Variants in MAP3K7CL observed in about 807,000 individuals in gnomAD.
MAP3K7CL encodes MAP3K7 C-terminal-like protein.
In MAP3K7CL, 16 loss-of-function variants were observed where a neutral mutation model predicts 18.6. The observed-to-expected ratio is 0.86, with a 90% confidence interval of 0.58 to 1.31. MAP3K7CL has a LOEUF of 1.31. MAP3K7CL is among the 50% of genes most tolerant of loss of function. MAP3K7CL has a pLI of 0.00. For missense variants in MAP3K7CL, 163 were observed against 174.4 expected (o/e 0.93, Z 0.37); for synonymous variants, 65 against 66.8 (o/e 0.97, Z 0.13).
chr21:29,099,336 T>A (rs1169969748), intron 4 of MAP3K7CL, among the ~76,000 whole-genome samples: 6 of 143,066 alleles, frequency 4.2e-5, no homozygotes. Flanking sequence ...AACTTCCGGG[T>A]TCAAGCCATT....
chr21:29,124,843 T>G (rs1470428671), intron 4 of MAP3K7CL, among the ~76,000 whole-genome samples: 1 of 152,232 alleles, frequency 6.6e-6, no homozygotes, highest in African/African-American at 2.4e-5. Flanking sequence ...GAGTCATCCA[T>G]CCATTTGCAT....
upstream of MAP3K7CL, among the ~76,000 whole-genome samples, chr21:29,129,696 G>C (rs929816674): frequency 2.0e-5 from 3 of 152,190 alleles, no homozygotes; most frequent in Admixed American, 6.5e-5. Flanking sequence ...TGTGGTAAAA[G>C]TATGTTTGCT....
rs1005568114 is a variant in MAP3K7CL, at chr21:29,109,013, G to A, written c.370+16432G>A. 3 of 1,502,832 alleles carry A rather than the reference G, an allele frequency of 2.0e-6. No homozygotes were observed. In the African/African-American group the frequency reaches 4.2e-5, roughly 21 times the overall value. 93.1% of individuals were successfully genotyped at this position (1,502,832 alleles called of 1,614,324 possible). ...TCGGCTGGACCCAAATAATTTTCTA[G>A]AATCAGAAAATTCTACTTCCTACTA... On this transcript the variant is annotated intron_variant, in intron 4 of 6. Transcript: ENST00000286791.
At chr21:29,112,561 T>A (rs373613249) in intron 4 of MAP3K7CL, among the ~76,000 whole-genome samples, 1 of 152,084 alleles carries the variant, frequency 6.6e-6, no homozygotes, top group South Asian at 2.1e-4. Context: ...TTTTATGTTA[T>A]TTTCTTTTTT....
chr21:29,083,382 T>A (rs1308819521), upstream of MAP3K7CL, among the ~76,000 whole-genome samples: 1 of 152,244 alleles, frequency 6.6e-6, no homozygotes, highest in Non-Finnish European at 1.5e-5. Flanking sequence ...GGACTGAGTT[T>A]GATAAATTGC....
Position 29,122,789 on chromosome 21 carries a change from T to G in MAP3K7CL, c.371-26400T>G, listed in dbSNP as rs1601193882. On this transcript the variant is annotated intron_variant, in intron 4 of 6. Coordinates refer to the MAP3K7CL transcript ENST00000286791. ...TCGGGTGGGAAATGAGGAATGCATG[T>G]TCTTACTTTGGGCCATGGGTCCAGG... Among the ~76,000 whole-genome samples, 3 of 152,284 alleles carry G rather than the reference T, an allele frequency of 2.0e-5. No individual in the cohort carries two copies. In the South Asian group the frequency reaches 6.2e-4, roughly 32 times the overall value.
At chr21:29,119,731 C>G (rs763066344) in intron 4 of MAP3K7CL, among the ~76,000 whole-genome samples, 10 of 147,748 alleles carry the variant, frequency 6.8e-5, no homozygotes, top group Non-Finnish European at 1.3e-4. Flanking sequence ...GACATGATCT[C>G]GGCTCACTGC....
chr21:29,105,458 C>A (rs934797912), intron 4 of MAP3K7CL, among the ~76,000 whole-genome samples: 1 of 152,166 alleles, frequency 6.6e-6, no homozygotes, highest in African/African-American at 2.4e-5. Context: ...GCTTAGTTAT[C>A]CAGTTATACC....
chr21:29,083,560 C>A (rs1413143672), upstream of MAP3K7CL, among the ~76,000 whole-genome samples: 1 of 74,244 alleles, frequency 1.3e-5, no homozygotes, highest in Admixed American at 1.3e-4. Flanking sequence ...AGCATTCAAC[C>A]ATGGTTTTTA....
chr21:29,091,323 C>A (rs2086023931), intron 1 of MAP3K7CL, among the ~76,000 whole-genome samples: 1 of 152,174 alleles, frequency 6.6e-6, no homozygotes, highest in Non-Finnish European at 1.5e-5. Context: ...CTCTAAGAGA[C>A]TGTCGTTTAC....
chr21:29,150,981 A>G (rs1022004015), intron 3 of MAP3K7CL, among the ~76,000 whole-genome samples: 2 of 150,492 alleles, frequency 1.3e-5, no homozygotes, highest in African/African-American at 4.9e-5. Flanking sequence ...TGTTGGCCAG[A>G]CTGGTCTCAA....
chr21:29,163,848 A>G (rs1277092915), intron 4 of MAP3K7CL, among the ~76,000 whole-genome samples: 1 of 151,870 alleles, frequency 6.6e-6, no homozygotes, highest in African/African-American at 2.4e-5. Flanking sequence ...GGTGCATGCC[A>G]GCATGCCCAG....
At chr21:29,083,057 T>C (rs1456912809), upstream of MAP3K7CL, among the ~76,000 whole-genome samples, 1 of 152,176 alleles carries the variant, frequency 6.6e-6, no homozygotes, top group Admixed American at 6.5e-5. Context: ...TACTTTCCCA[T>C]TTAATTATAT....
rs571499685 is a variant in MAP3K7CL, at chr21:29,167,942, G to GC, written c.249-6767dup. ...TCTTGATCTCCTGACCTCGTGGTCCGCCCACCTGGCCTCCCAAAGTGCTGG... is the reference window on the plus strand; with the variant it reads ...TCTTGATCTCCTGACCTCGTGGTCCGCCCCACCTGGCCTCCCAAAGTGCTGG... On this transcript the variant is annotated intron_variant, in intron 4 of 4. Transcript: ENST00000399928. Among the ~76,000 whole-genome samples the GC allele has an allele frequency of 7.0e-4, 106 of 151,818 alleles. No homozygotes were observed. The East Asian group carries it at 0.02, about 29-fold the overall frequency.
At chr21:29,111,744 A>G (rs2146561695) in intron 4 of MAP3K7CL, among the ~76,000 whole-genome samples, 1 of 152,316 alleles carries the variant, frequency 6.6e-6, no homozygotes, top group African/African-American at 2.4e-5. Flanking sequence ...ACTGTGTCTT[A>G]AACAGATTTC....
chr21:29,111,565 T>C (rs2086421050), intron 4 of MAP3K7CL, among the ~76,000 whole-genome samples: 1 of 152,172 alleles, frequency 6.6e-6, no homozygotes, highest in South Asian at 2.1e-4. Flanking sequence ...AGCTTGACTG[T>C]TTGCATTGTG....
intron 3 of MAP3K7CL, among the ~76,000 whole-genome samples, chr21:29,154,602 C>T (rs896747711): frequency 3.9e-5 from 6 of 152,182 alleles, no homozygotes; most frequent in African/African-American, 1.4e-4. Flanking sequence ...GCAGCCTCTC[C>T]GAAAACTTCT....
chr21:29,119,755 C>T (rs139774085), intron 4 of MAP3K7CL, among the ~76,000 whole-genome samples: 111 of 151,842 alleles, frequency 7.3e-4, no homozygotes, highest in Middle Eastern at 6.8e-3. Context: ...CTCCACCTCC[C>T]GGGTTCAAGG....
upstream of MAP3K7CL, among the ~76,000 whole-genome samples, chr21:29,083,764 T>TA (rs1278444884): frequency 2.6e-5 from 4 of 151,974 alleles, no homozygotes; most frequent in Non-Finnish European, 4.4e-5. Context: ...TATCTCAACT[T>TA]AAAAAAATCC....
Sources: allele counts gnomAD v4.1 joint callset (sites outside exome capture counted in the v4.1 genomes callset), GRCh38; gene constraint gnomAD v4.1.1; transcripts MANE v1.5; gene names NCBI Gene and HGNC (gene_info 2026-07-23, HGNC 2026-07-21).